Variants in MTMR11 observed in about 807,000 individuals in gnomAD.
The protein encoded by MTMR11 is myotubularin-related protein 11.
A neutral mutation model predicts 100.0 loss-of-function variants in MTMR11; 89 were observed. That is an observed-to-expected ratio of 0.89 (90% CI 0.75 to 1.06). The LOEUF (loss-of-function observed/expected upper bound fraction) is 1.06. Ranked by LOEUF, MTMR11 falls within the 50% of genes least tolerant of loss-of-function variation. The probability of loss-of-function intolerance (pLI) is 0.00; values close to 1 mark genes in which losing one functional copy is unlikely to be tolerated. For missense variants in MTMR11, 809 were observed against 873.7 expected (o/e 0.93, Z 0.93); for synonymous variants, 336 against 326.3 (o/e 1.03, Z -0.32).
chr1:149,929,591 T>C (rs2092628175), intron 16 of MTMR11, 32 bp downstream of exon 16: 1 of 1,587,098 alleles, frequency 6.3e-7, no homozygotes, highest in African/African-American at 1.3e-5. Context: ...TCAAGTCCCT[T>C]GTCCCACTCC....
At position 149,930,361 on chromosome 1, in the gene MTMR11, T is replaced by G. The variant is rs2092641874; in HGVS notation, c.1647+4A>C. 2 of 1,611,748 alleles carry G rather than the reference T, an allele frequency of 1.2e-6. No homozygotes were observed. Among genetic ancestry groups the G allele is most frequent in the East Asian group, 4.5e-5 (2 of 44,840 alleles). ...AGGGAATTTAGGAAGTTTAGACACTTCACCTGTGGTCTAGGGAGCCAGGAA... is the reference window on the plus strand; with the variant it reads ...AGGGAATTTAGGAAGTTTAGACACTGCACCTGTGGTCTAGGGAGCCAGGAA... On this transcript the variant is annotated splice_donor_region_variant and intron_variant, in intron 15 of 16. Transcript: ENST00000439741.
At position 149,929,196 on chromosome 1, in the gene MTMR11, T is replaced by C. The variant is rs201478011; in HGVS notation, c.2063A>G (p.His688Arg). The change falls in exon 17 of 17, where the codon CAT becomes CGT. Residue 688 changes from histidine to arginine, a missense_variant. By Grantham distance (29) the His-to-Arg change is conservative (BLOSUM62 0). Coordinates refer to ENST00000439741, the MANE Select transcript of MTMR11 (RefSeq NM_001145862.2). The part of the protein sequence containing the change: ...PEDHSKKRDP[H>R]TILNPTEIAG... ...AATTTCAGTGGGATTGAGAATGGTA[T>C]GTGGATCTCTTTTCTTGGAGTGATC... 1.3e-4 allele frequency: 213 copies of C among 1,614,098 alleles called. No individual in the cohort carries two copies. Among genetic ancestry groups the C allele is most frequent in the Non-Finnish European group, 1.7e-4 (199 of 1,180,018 alleles).
chr1:149,931,050 G>A, intron 13 of MTMR11, 85 bp from the exon 14 acceptor site: 1 of 1,396,592 alleles, frequency 7.2e-7, no homozygotes, highest in South Asian at 1.4e-5. Flanking sequence ...GGGAACACAG[G>A]GAATAGGGGG....
chr1:149,933,031 C>G (rs1363582178), intron 10 of MTMR11, among the ~76,000 whole-genome samples: 1 of 151,446 alleles, frequency 6.6e-6, no homozygotes, highest in Non-Finnish European at 1.5e-5. Context: ...CTCAGTTCAC[C>G]CGCCTCCTGG....
chr1:149,936,800 A>G lies in MTMR11; in HGVS notation c.-153T>C. The G allele has an allele frequency of 3.1e-6, 2 of 655,094 alleles. No individual in the cohort carries two copies. The highest frequency in any genetic ancestry group is 5.4e-6 in the Non-Finnish European group (2 of 370,500). 40.6% of individuals were successfully genotyped at this position (655,094 alleles called of 1,614,324 possible). On this transcript the variant is annotated 5_prime_UTR_variant, in exon 1 of 17. Transcript: ENST00000439741. Reference sequence around the variant, plus strand: ...CAAGGGAAAGGAGCATTTGACGTGCACGGAGCAGAGTTTGGGGGTCCTTGG... The same window carrying G: ...CAAGGGAAAGGAGCATTTGACGTGCGCGGAGCAGAGTTTGGGGGTCCTTGG...
chr1:149,929,752 G>T lies in MTMR11; in HGVS notation c.1812C>A (p.Asp604Glu), dbSNP rs782105898. ...RPAISSESLA[D>E]QEWGLPSHWG... is the part of the protein sequence containing the mutation. ...AATGTGAGGGGAGACCCCATTCCTG[G>T]TCAGCCAGGCTTTCAGAGGAGATAG... The change falls in exon 16 of 17, where the codon GAC becomes GAA. Residue 604 changes from aspartate to glutamate, a missense_variant. Asp to Glu is a conservative substitution (Grantham distance 45). Transcript: ENST00000439741. The T allele has an allele frequency of 3.1e-6, 5 of 1,614,158 alleles. No individual in the cohort carries two copies. The South Asian group carries it at 5.5e-5, about 18-fold the overall frequency.
intron 12 of MTMR11, 158 bp from the exon 13 acceptor site, chr1:149,931,584 C>G: frequency 3.0e-6 from 2 of 664,024 alleles, no homozygotes; most frequent in Non-Finnish European, 4.9e-6. Flanking sequence ...GAAGAGAAAA[C>G]AAAGACCTTG....
rs587758013 is a variant in MTMR11, at chr1:149,933,855, C to A, written c.771G>T (p.Pro257=). Residue 257 remains proline, a splice_region_variant and synonymous_variant, in exon 8 of 17, where the codon CCG becomes CCT. Transcript: ENST00000439741. The part of the protein sequence containing the change: ...AFGHFHQGRG[P]RLSWHHPGGS... Reference sequence around the variant, plus strand: ...CCATTACCCTAACCATCACACTGACCGGTCCACGGCCCTGATGAAAGTGGC... The same window carrying A: ...CCATTACCCTAACCATCACACTGACAGGTCCACGGCCCTGATGAAAGTGGC... 1 of 1,613,944 alleles carries A rather than the reference C, an allele frequency of 6.2e-7. No homozygotes were observed. The highest frequency in any genetic ancestry group is 8.5e-7 in the Non-Finnish European group (1 of 1,179,808).
Position 149,930,522 on chromosome 1 carries a change from G to A in MTMR11, c.1490C>T (p.Thr497Ile), listed in dbSNP as rs200583073. 9 of 1,613,570 alleles carry A rather than the reference G, an allele frequency of 5.6e-6. No homozygotes were observed. The highest frequency in any genetic ancestry group is 7.6e-6 in the Non-Finnish European group (9 of 1,179,778). Residue 497 changes from threonine to isoleucine, a missense_variant, in exon 15 of 17, where the codon ACC becomes ATC. Thr to Ile is a moderately conservative substitution (Grantham distance 89). Coordinates refer to ENST00000439741, the MANE Select transcript of MTMR11 (RefSeq NM_001145862.2). The part of the protein sequence containing the change: ...GQLNSYTQVY[T>I]PGYSQPPAGN... ...AGCTGGAGGCTGGGAGTATCCTGGG[G>A]TGTAGACTTGTGTATAGGAGTTTAA... is the stretch of plus-strand genomic sequence containing the variant.
intron 12 of MTMR11, chr1:149,931,711 C>T: frequency 3.4e-6 from 2 of 582,906 alleles, no homozygotes; most frequent in South Asian, 4.5e-5. Flanking sequence ...ACCCCAGTCT[C>T]CATCCGCTGA....
In MTMR11 at chr1:149,935,354, A is replaced by G; in HGVS notation, c.270T>C (p.Thr90=). 1.2e-6 allele frequency: 2 copies of G among 1,613,172 alleles called. No homozygotes were observed. Among genetic ancestry groups the G allele is most frequent in the Non-Finnish European group, 8.5e-7 (1 of 1,179,690 alleles). The part of the protein sequence containing the change: ...QPCGWQWNQD[T]PLNSEYDFAL... ...CAAAATCGTATTCACTGTTCAAGGG[A>G]GTGTCCTAGACGAAACACGTGACTG... is the stretch of plus-strand genomic sequence containing the variant. Residue 90 remains threonine (T), a synonymous_variant, in exon 4 of 17, where the codon ACT becomes ACC. Transcript: ENST00000439741.
At position 149,935,290 on chromosome 1, in the gene MTMR11, C is replaced by CAA. The variant is rs200012696; in HGVS notation, c.325+8_325+9insTT. 3.1e-6 allele frequency: 5 copies of CAA among 1,613,314 alleles called. No individual in the cohort carries two copies. In the African/African-American group the frequency reaches 4.0e-5, roughly 13 times the overall value. On this transcript the variant is annotated intron_variant, in intron 4 of 16. Transcript: ENST00000439741. ...GTGAACCCCTTCACCAAACCCCCCC[C>CAA]CAACTTACCAGCCTCTAATCGTCCA...
At chr1:149,930,104 T>C in intron 15 of MTMR11, 188 bp from the exon 16 acceptor site, 2 of 735,408 alleles carry the variant, frequency 2.7e-6, no homozygotes, top group Non-Finnish European at 4.4e-6. Flanking sequence ...CTGATTAAGG[T>C]TGATTTTAGG....
At chr1:149,930,711 C>T in intron 14 of MTMR11, 81 bp downstream of exon 14, 1 of 1,453,040 alleles carries the variant, frequency 6.9e-7, no homozygotes, top group Non-Finnish European at 9.2e-7. Flanking sequence ...CCTCACTTCT[C>T]ATAAAACAAA....
Position 149,934,316 on chromosome 1 carries a change from A to G in MTMR11, c.558T>C (p.Ser186=). 1 of 1,614,250 alleles carries G rather than the reference A, an allele frequency of 6.2e-7. No homozygotes were observed. Among genetic ancestry groups the G allele is most frequent in the African/African-American group, 1.3e-5 (1 of 75,064 alleles). ...GAGGAATTGGTGGTTTTCTGGAGCC[A>G]GAACCCTGGCCTAGAACAGGAGTGA... ...GITLSKAGQG[S]GSRKPPIPLM... The change falls in exon 7 of 17, where the codon TCT becomes TCC. Residue 186 remains serine, a synonymous_variant. Transcript: ENST00000439741.
chr1:149,931,277 T>A lies in MTMR11; in HGVS notation c.1273A>T (p.Thr425Ser), dbSNP rs781977650. ...ATTCTCACCTCTTCACTGGCCCCAG[T>A]TCCCCCAAGCCGAGTCAGGAAGGGA... Reference protein sequence around the residue: ...GHPFLTRLGGTGASEEAPVFL... With the variant: ...GHPFLTRLGGSGASEEAPVFL... Residue 425 changes from threonine (T) to serine (S), a missense_variant, in exon 13 of 17, where the codon ACT becomes TCT. Thr to Ser is a moderately conservative substitution (Grantham distance 58). Transcript: ENST00000439741. 5 of 1,613,930 alleles carry A rather than the reference T, an allele frequency of 3.1e-6. No homozygotes were observed. The African/African-American group carries it at 6.7e-5, about 22-fold the overall frequency.
At chr1:149,934,397 C>CG in intron 6 of MTMR11, 51 bp downstream of exon 6, 1 of 1,613,432 alleles carries the variant, frequency 6.2e-7, no homozygotes, top group South Asian at 1.1e-5. Flanking sequence ...TTGTCATCAG[C>CG]CATCCTCTGC....
Position 149,930,460 on chromosome 1 carries a change from A to T in MTMR11, c.1552T>A (p.Trp518Arg). ...TGTGCATTGCTATAACGTAAATCCC[A>T]GTCCCAGACAGACAGCTGCAGGTTA... is the stretch of plus-strand genomic sequence containing the variant. Reference protein sequence around the residue: ...SFNLQLSVWDWDLRYSNAQIL... With the variant: ...SFNLQLSVWDRDLRYSNAQIL... Residue 518 changes from tryptophan to arginine, a missense_variant, in exon 15 of 17, where the codon TGG becomes AGG. Physicochemically the swap from Trp to Arg is moderately radical, Grantham distance 101. Transcript: ENST00000439741. The T allele has an allele frequency of 6.2e-7, 1 of 1,614,094 alleles. No individual in the cohort carries two copies. The highest frequency in any genetic ancestry group is 1.1e-5 in the South Asian group (1 of 91,084).
Position 149,928,734 on chromosome 1 carries a change from T to A in MTMR11, c.*395A>T. Reference sequence around the variant, plus strand: ...CAGAGGAGATAGGGTGTTTCCTGTATCCGCCTCATTCCCATAGAAAACTAT... The same window carrying A: ...CAGAGGAGATAGGGTGTTTCCTGTAACCGCCTCATTCCCATAGAAAACTAT... On this transcript the variant is annotated 3_prime_UTR_variant, in exon 17 of 17. Transcript: ENST00000439741. The A allele has an allele frequency of 1.2e-6, 1 of 844,864 alleles. No homozygotes were observed. Among genetic ancestry groups the A allele is most frequent in the Non-Finnish European group, 1.9e-6 (1 of 518,960 alleles). 52.3% of individuals were successfully genotyped at this position (844,864 alleles called of 1,614,324 possible). A position where few individuals can be genotyped will look rare whatever the true frequency, so the allele number is the denominator to read the frequency against.
Sources: gnomAD v4.1 joint callset for allele counts (sites outside exome capture counted in the v4.1 genomes callset) on GRCh38, gnomAD v4.1.1 for gene constraint, MANE v1.5 for transcripts, NCBI Gene and HGNC (gene_info 2026-07-23, HGNC 2026-07-21) for gene names.